Variants in NAV1 observed in about 807,000 individuals in gnomAD.
NAV1 encodes the protein pore membrane and/or filament interacting like protein 3.
NAV1 carries 18 observed loss-of-function variants against 175.2 expected under a neutral mutation model. The ratio of observed to expected loss-of-function variants is 0.10; its 90% confidence interval spans 0.07 to 0.15. The LOEUF (loss-of-function observed/expected upper bound fraction) is 0.15. Ranked by LOEUF, NAV1 falls within the 10% of genes least tolerant of loss-of-function variation. The pLI, the probability that NAV1 is intolerant of heterozygous loss-of-function variation, is 1.00. For synonymous variants in NAV1, 897 were observed against 978.7 expected, an observed-to-expected ratio of 0.92 and a Z score of 1.56; for missense variants, 1,731 against 2,436.6, an observed-to-expected ratio of 0.71 and a Z score of 6.10.
At chr1:201,737,041 C>G (rs1419434029) in intron 3 of NAV1, among the ~76,000 whole-genome samples, 3 of 152,034 alleles carry the variant, frequency 2.0e-5, no homozygotes, top group Non-Finnish European at 4.4e-5. Context: ...TCCACTCTGC[C>G]ACACCCTCAT....
chr1:201,784,899 CT>C (rs796711437), intron 7 of NAV1, among the ~76,000 whole-genome samples: 4 of 152,002 alleles, frequency 2.6e-5, no homozygotes, highest in African/African-American at 9.7e-5. Context: ...TCCCGAGTAG[CT>C]GGGGACTACA....
chr1:201,642,039 C>T lies in NAV1; in HGVS notation c.5-6595C>T, dbSNP rs537866933. Among the ~76,000 whole-genome samples, 3 of 149,112 alleles carry T rather than the reference C, an allele frequency of 2.0e-5. No individual in the cohort carries two copies. The South Asian group carries it at 6.5e-4, about 32-fold the overall frequency. On this transcript the variant is annotated intron_variant, in intron 2 of 29. Transcript: ENST00000367302. Reference sequence around the variant, plus strand: ...TCTTTCTTTCTCTTCCTTCCTCCTTCCTTTCCTTCCTTCCCTTTTCTTTCT... The same window carrying T: ...TCTTTCTTTCTCTTCCTTCCTCCTTTCTTTCCTTCCTTCCCTTTTCTTTCT...
intron 2 of NAV1, among the ~76,000 whole-genome samples, chr1:201,632,199 G>C (rs1668497951): frequency 6.6e-6 from 1 of 152,138 alleles, no homozygotes; most frequent in Non-Finnish European, 1.5e-5. Context: ...TTGGACTCTG[G>C]GCATAGAGTC....
intron 2 of NAV1, among the ~76,000 whole-genome samples, chr1:201,637,147 A>G (rs1482660726): frequency 5.3e-5 from 8 of 152,228 alleles, no homozygotes; most frequent in Admixed American, 5.2e-4. Flanking sequence ...AAAGCACAGA[A>G]GTACCAACTG....
Position 201,782,531 on chromosome 1 carries a change from G to A in NAV1, c.2019G>A (p.Leu673=). The A allele has an allele frequency of 6.2e-7, 1 of 1,611,598 alleles. No homozygotes were observed. The highest frequency in any genetic ancestry group is 2.2e-5 in the East Asian group (1 of 44,772). ...GTTCTAACATCCAGTACCGCAGCCTGCCCCGGCCAGCCAAGTCAAGTTCTA... is the reference window on the plus strand; with the variant it reads ...GTTCTAACATCCAGTACCGCAGCCTACCCCGGCCAGCCAAGTCAAGTTCTA... The change falls in exon 6 of 30, where the codon CTG becomes CTA. Residue 673 remains leucine (L), a synonymous_variant. Coordinates refer to ENST00000367296, the Ensembl canonical transcript of NAV1. The surrounding 1 kb of genome is among the most constrained non-coding windows in gnomAD (Gnocchi z 5.4).
rs370473972 is a variant in NAV1, at chr1:201,785,397, G to A, written c.2846+46G>A. 92 of 1,572,724 alleles carry A rather than the reference G, an allele frequency of 5.8e-5. No homozygotes were observed. The African/African-American group carries it at 9.9e-4, about 17-fold the overall frequency. On this transcript the variant is annotated intron_variant, in intron 8 of 29. Transcript: ENST00000367296. Reference sequence around the variant, plus strand: ...TTCTTCCCTATAAATGGGACTGCTGGTATGTATGAAAAATCATATCTCAAC... The same window carrying A: ...TTCTTCCCTATAAATGGGACTGCTGATATGTATGAAAAATCATATCTCAAC...
intron 1 of NAV1, among the ~76,000 whole-genome samples, chr1:201,676,258 C>T (rs1220121071): frequency 6.6e-6 from 1 of 152,214 alleles, no homozygotes; most frequent in Non-Finnish European, 1.5e-5. Flanking sequence ...GCCACTCCCT[C>T]TGCTTTTAAG....
chr1:201,684,115 A>G (rs1162474916), intron 1 of NAV1, among the ~76,000 whole-genome samples: 1 of 152,042 alleles, frequency 6.6e-6, no homozygotes, highest in Non-Finnish European at 1.5e-5. Flanking sequence ...CTTTATTTAC[A>G]TATTTATTTC....
chr1:201,720,809 G>A (rs1400767398), intron 3 of NAV1, among the ~76,000 whole-genome samples: 1 of 152,046 alleles, frequency 6.6e-6, no homozygotes, highest in African/African-American at 2.4e-5. Flanking sequence ...TATTATTTTT[G>A]TTGTTATTAG....
At chr1:201,643,097 C>CTCTT (rs375426123) in intron 2 of NAV1, among the ~76,000 whole-genome samples, 125 of 148,786 alleles carry the variant, frequency 8.4e-4, no homozygotes, top group East Asian at 3.9e-3. Flanking sequence ...CTTTCTTTTT[C>CTCTT]TCTTTCTTTC....
At chr1:201,707,010 G>A (rs143299009) in intron 1 of NAV1, among the ~76,000 whole-genome samples, 148 of 152,206 alleles carry the variant, frequency 9.7e-4, no homozygotes, top group South Asian at 1.5e-3. Flanking sequence ...TGAGGTTCAC[G>A]ATACTCCACA....
At chr1:201,801,806 C>G (rs1677884712) in intron 15 of NAV1, among the ~76,000 whole-genome samples, 1 of 152,014 alleles carries the variant, frequency 6.6e-6, no homozygotes, top group Non-Finnish European at 1.5e-5. Flanking sequence ...TTTCCGTTCT[C>G]CATTATCTAT....
At chr1:201,556,495 G>A (rs1023936056) in intron 1 of NAV1, among the ~76,000 whole-genome samples, 2 of 152,174 alleles carry the variant, frequency 1.3e-5, no homozygotes, top group Non-Finnish European at 2.9e-5. Context: ...GACAGTGGGG[G>A]GACAGTGGAG....
Position 201,810,403 on chromosome 1 carries a change from G to A in NAV1, c.4562-120G>A. 3.1e-6 allele frequency: 3 copies of A among 966,980 alleles called. No homozygotes were observed. The highest frequency in any genetic ancestry group is 4.6e-6 in the Non-Finnish European group (3 of 654,288). The allele number at this position is 966,980 out of a possible 1,614,324, so 59.9% of individuals were successfully genotyped here. On this transcript the variant is annotated intron_variant, in intron 23 of 29. Coordinates refer to ENST00000367296, the Ensembl canonical transcript of NAV1. The surrounding 1 kb of genome is among the most constrained non-coding windows in gnomAD (Gnocchi z 6.0). ...GTTAAGGGACTCTTATGGAACCATG[G>A]GGCAAGTGGCTCTGAGTTTCTTCAG... is the stretch of plus-strand genomic sequence containing the variant.
intron 1 of NAV1, among the ~76,000 whole-genome samples, chr1:201,670,529 AGCAGTGATGGTG>A (rs911777552): frequency 6.6e-5 from 10 of 151,768 alleles, no homozygotes; most frequent in East Asian, 1.9e-4. Flanking sequence ...CTGTGGCAGC[AGCAGTGATGGTG>A]GCAGTGATGG....
chr1:201,705,872 GC>G (rs1671644242), intron 1 of NAV1, among the ~76,000 whole-genome samples: 2 of 68,152 alleles, frequency 2.9e-5, no homozygotes, highest in South Asian at 1.0e-3. Context: ...TTCCATACCT[GC>G]CCCCAGCCAC....
chr1:201,679,772 C>T (rs988259499), intron 1 of NAV1, among the ~76,000 whole-genome samples: 2 of 152,218 alleles, frequency 1.3e-5, no homozygotes, highest in Admixed American at 6.5e-5. Flanking sequence ...GCACTCTGCT[C>T]TCTCAGGGAG....
At chr1:201,556,949 G>T (rs1045915856) in intron 1 of NAV1, among the ~76,000 whole-genome samples, 4 of 152,140 alleles carry the variant, frequency 2.6e-5, no homozygotes, top group African/African-American at 9.7e-5. Flanking sequence ...CAGTAGACTC[G>T]TCTCTGGTGC....
At chr1:201,582,525 C>T (rs1476397416) in intron 1 of NAV1, among the ~76,000 whole-genome samples, 1 of 152,196 alleles carries the variant, frequency 6.6e-6, no homozygotes, top group Non-Finnish European at 1.5e-5. Context: ...AGCCAGAAAC[C>T]AGCTGACTCA....
Sources: gnomAD v4.1 joint callset for allele counts (sites outside exome capture counted in the v4.1 genomes callset) on GRCh38, gnomAD v4.1.1 for gene constraint, Gnocchi (gnomAD v3.1) non-coding constraint, MANE v1.5 for transcripts, NCBI Gene and HGNC (gene_info 2026-07-23, HGNC 2026-07-21) for gene names.